The following ANKS6 variants were observed in gnomAD, a reference collection of about 807,000 sequenced individuals.
ANKS6 encodes ankyrin repeat and SAM domain-containing protein 6.
ANKS6 carries 47 observed loss-of-function variants against 77.9 expected under a neutral mutation model. The ratio of observed to expected loss-of-function variants is 0.60; its 90% CI spans 0.48 to 0.77. The LOEUF (loss-of-function observed/expected upper bound fraction) is 0.77. ANKS6 is among the 30% of genes least tolerant of loss of function. The pLI is 0.00. For missense variants in ANKS6, 1,150 were observed against 1,159.1 expected (o/e 0.99, Z 0.11); for synonymous variants, 488 against 501.7 (o/e 0.97, Z 0.37).
chr9:98,784,920 A>C, intron 2 of ANKS6, 44 bp from the exon 3 acceptor site: 1 of 1,572,188 alleles, frequency 6.4e-7, no homozygotes. Context: ...GAAAGGTTTA[A>C]TATAACAGAA....
intron 10 of ANKS6, among the ~76,000 whole-genome samples, chr9:98,769,723 G>C (rs181670727): frequency 2.6e-5 from 4 of 152,138 alleles, no homozygotes; most frequent in Non-Finnish European, 5.9e-5. Context: ...ATTTGACCCC[G>C]GACGAGTTAT....
At chr9:98,767,989 TG>T in intron 11 of ANKS6, 91 bp downstream of exon 11, 1 of 1,461,530 alleles carries the variant, frequency 6.8e-7, no homozygotes, top group East Asian at 2.5e-5. Context: ...TCCTGTCCCA[TG>T]ACTAAGGCAC....
At chr9:98,779,986 C>G (rs1834148741) in intron 6 of ANKS6, among the ~76,000 whole-genome samples, 1 of 152,218 alleles carries the variant, frequency 6.6e-6, no homozygotes, top group Admixed American at 6.5e-5. Context: ...TCTTACAAAG[C>G]AGCCACTGTT....
chr9:98,777,769 C>G (rs1391838931), intron 7 of ANKS6, among the ~76,000 whole-genome samples: 1 of 152,142 alleles, frequency 6.6e-6, no homozygotes, highest in African/African-American at 2.4e-5. Flanking sequence ...GGGATCTTAT[C>G]TATGTTCCAG....
chr9:98,789,027 G>T (rs539021431), intron 2 of ANKS6, among the ~76,000 whole-genome samples: 1 of 150,020 alleles, frequency 6.7e-6, no homozygotes, highest in African/African-American at 2.4e-5. Context: ...TGATTGGATG[G>T]TGTATTTCTT....
intron 11 of ANKS6, among the ~76,000 whole-genome samples, chr9:98,758,454 G>A (rs1363383491): frequency 2.6e-5 from 4 of 151,528 alleles, no homozygotes; most frequent in Non-Finnish European, 5.9e-5. Flanking sequence ...AGCTTTCCAA[G>A]GTCCCTTTTA....
chr9:98,733,181 C>A lies in ANKS6; in HGVS notation c.*3338G>T. On this transcript the variant is annotated 3_prime_UTR_variant, in exon 15 of 15. Transcript: ENST00000353234. ...GAGTAGGGCTGGCACAGGGTAGATGCTCAGTAAACGTTCGGTAAACAAAAG... is the reference window on the plus strand; with the variant it reads ...GAGTAGGGCTGGCACAGGGTAGATGATCAGTAAACGTTCGGTAAACAAAAG... 1.0e-6 allele frequency: 1 copy of A among 983,398 alleles called. No individual in the cohort carries two copies. Among genetic ancestry groups the A allele is most frequent in the South Asian group, 4.7e-5 (1 of 21,228 alleles). The allele number at this position is 983,398 out of a possible 1,614,324, so 60.9% of individuals were successfully genotyped here. A position where few individuals can be genotyped will look rare whatever the true frequency, so the allele number is the denominator to read the frequency against.
intron 14 of ANKS6, among the ~76,000 whole-genome samples, chr9:98,743,319 T>A (rs915168676): frequency 1.6e-4 from 16 of 101,834 alleles, no homozygotes; most frequent in African/African-American, 6.2e-4. Flanking sequence ...GCCCTTTCCC[T>A]TACTTGACTG....
intron 9 of ANKS6, 102 bp from the exon 10 acceptor site, chr9:98,771,148 C>T: frequency 7.8e-7 from 1 of 1,281,824 alleles, no homozygotes; most frequent in East Asian, 2.9e-5. Flanking sequence ...GTGCATACCC[C>T]ACCAAAGCTC....
rs967738788 is a variant in ANKS6 at position 98,796,126 on chromosome 9, G to A, written c.359+7C>T. On this transcript the variant is annotated splice_region_variant and intron_variant, in intron 1 of 14. Coordinates refer to ENST00000353234, the MANE Select transcript of ANKS6 (RefSeq NM_173551.5). ...TGGTCCCGGGCCCCCGGGCCCCGCC[G>A]CCTCACCTGGCCGCCTGCATGAGCG... 3 of 1,353,402 alleles carry A rather than the reference G, an allele frequency of 2.2e-6. No homozygotes were observed. In the Admixed American group the frequency reaches 1.0e-4, roughly 47 times the overall value. 83.8% of individuals were successfully genotyped at this position (1,353,402 alleles called of 1,614,324 possible). A position where few individuals can be genotyped will look rare whatever the true frequency, so the allele number is the denominator to read the frequency against.
chr9:98,767,980 C>T (rs1833392744), intron 11 of ANKS6, 101 bp downstream of exon 11: 6 of 1,450,996 alleles, frequency 4.1e-6, no homozygotes, highest in Non-Finnish European at 5.5e-6. Flanking sequence ...TGTCTTTAGT[C>T]CTGTCCCATG....
intron 11 of ANKS6, among the ~76,000 whole-genome samples, chr9:98,760,586 G>T (rs1203915965): frequency 6.6e-6 from 1 of 152,216 alleles, no homozygotes; most frequent in Non-Finnish European, 1.5e-5. Context: ...ACACTTCACT[G>T]TTATCACATA....
intron 14 of ANKS6, among the ~76,000 whole-genome samples, chr9:98,740,485 G>A (rs1831764866): frequency 6.6e-6 from 1 of 152,172 alleles, no homozygotes; most frequent in South Asian, 2.1e-4. Flanking sequence ...ACCTGCCAGC[G>A]CTGCACTGAA....
chr9:98,776,146 C>T (rs947890160), intron 8 of ANKS6, among the ~76,000 whole-genome samples: 1 of 152,160 alleles, frequency 6.6e-6, no homozygotes, highest in Non-Finnish European at 1.5e-5. Flanking sequence ...GGTAACACAT[C>T]CAAGTTCACA....
intron 14 of ANKS6, among the ~76,000 whole-genome samples, chr9:98,744,476 GGTAAGT>G (rs1347623535): frequency 2.0e-5 from 3 of 152,170 alleles, no homozygotes; most frequent in African/African-American, 7.2e-5. Flanking sequence ...AGCCAGACAA[GGTAAGT>G]GTAAGGACAT....
rs774281003 is a variant in ANKS6 at position 98,736,609 on chromosome 9, T to G, written c.2526A>C (p.Gln842His). The G allele has an allele frequency of 6.2e-7, 1 of 1,611,350 alleles. No individual in the cohort carries two copies. The highest frequency in any genetic ancestry group is 1.1e-5 in the South Asian group (1 of 90,372). ...AGTTGTGAATGGTTTCCTGTAAAAT[T>G]TGTCTCTCGCGTCCCTGTGGAGGAA... Reference protein sequence around the residue: ...ELNAGKGRERQILQETIHNFH... With the variant: ...ELNAGKGRERHILQETIHNFH... The change falls in exon 15 of 15, where the codon CAA (glutamine) becomes CAC (histidine). Residue 842 changes from glutamine (Q) to histidine (H), a missense_variant. Physicochemically the swap from Gln to His is conservative, Grantham distance 24. Transcript: ENST00000353234.
intron 13 of ANKS6, among the ~76,000 whole-genome samples, chr9:98,747,850 G>A (rs1455897085): frequency 6.6e-6 from 1 of 152,152 alleles, no homozygotes. Context: ...ATGGTGTACA[G>A]AAGCAAGTCC....
At chr9:98,745,940 G>A in intron 13 of ANKS6, 1 of 434,996 alleles carries the variant, frequency 2.3e-6, no homozygotes, top group Non-Finnish European at 4.2e-6. Context: ...GAAAAATCTG[G>A]GATAGTCATC....
At chr9:98,773,110 T>C (rs1386824586) in intron 9 of ANKS6, among the ~76,000 whole-genome samples, 2 of 152,220 alleles carry the variant, frequency 1.3e-5, no homozygotes, top group African/African-American at 4.8e-5. Flanking sequence ...TGATCGAGAA[T>C]AGTGGACTAA....
Sources: allele counts gnomAD v4.1 joint callset (sites outside exome capture counted in the v4.1 genomes callset), GRCh38; gene constraint gnomAD v4.1.1; transcripts MANE v1.5; gene names NCBI Gene and HGNC (gene_info 2026-07-23, HGNC 2026-07-21).